The following FAM156A variants were observed in gnomAD, a reference collection of about 807,000 sequenced individuals.
FAM156A encodes protein FAM156A/FAM156B.
intron 1 of FAM156A, among the ~76,000 whole-genome samples, chrX:52,976,573 T>G (rs782022784): frequency 2.8e-4 from 31 of 112,357 alleles, no homozygotes; most frequent in African/African-American, 9.7e-4. Context: ...TCAAATGTGG[T>G]GCATTCCCTT....
intron 1 of FAM156A, among the ~76,000 whole-genome samples, chrX:52,986,438 G>T (rs1207805306): frequency 1.8e-5 from 2 of 109,922 alleles, no homozygotes; most frequent in African/African-American, 6.6e-5. Flanking sequence ...ATATTATCAA[G>T]AAAACATTTG....
At chrX:52,989,434 A>T (rs1930535059) in intron 1 of FAM156A, among the ~76,000 whole-genome samples, 1 of 111,762 alleles carries the variant, frequency 8.9e-6, no homozygotes, top group South Asian at 3.7e-4. Context: ...TGCTTTATTA[A>T]CGCCTCAGCT....
chrX:52,980,445 C>G (rs782745376), intron 1 of FAM156A, among the ~76,000 whole-genome samples: 73 of 111,824 alleles, frequency 6.5e-4, no homozygotes, highest in South Asian at 2.2e-3. Context: ...CTGAACTTCT[C>G]TTTGCAGGTG....
At chrX:52,973,651 T>C (rs1273248627) in intron 1 of FAM156A, among the ~76,000 whole-genome samples, 3 of 111,711 alleles carry the variant, frequency 2.7e-5, no homozygotes, top group Non-Finnish European at 3.8e-5. Context: ...CACGGAACAA[T>C]TGTGGGAAAG....
At chrX:52,973,644 G>A (rs1439129546) in intron 1 of FAM156A, among the ~76,000 whole-genome samples, 4 of 111,866 alleles carry the variant, frequency 3.6e-5, no homozygotes, top group African/African-American at 3.3e-5. Flanking sequence ...TACTGGACAC[G>A]GAACAATTGT....
chrX:52,979,324 C>T (rs1375462606), intron 1 of FAM156A, among the ~76,000 whole-genome samples: 2 of 111,399 alleles, frequency 1.8e-5, no homozygotes, highest in Non-Finnish European at 3.8e-5. Context: ...ATGGGCTCCT[C>T]TCAGGGACCA....
At chrX:52,989,396 C>A (rs997675452) in intron 1 of FAM156A, among the ~76,000 whole-genome samples, 3 of 112,336 alleles carry the variant, frequency 2.7e-5, no homozygotes, top group Non-Finnish European at 5.6e-5. Flanking sequence ...CCAACCCTGA[C>A]CCACTCCTCC....
intron 1 of FAM156A, among the ~76,000 whole-genome samples, chrX:52,988,847 T>C (rs1192094797): frequency 8.9e-6 from 1 of 112,266 alleles, no homozygotes; most frequent in African/African-American, 3.2e-5. Flanking sequence ...TGCAACTTCT[T>C]ATTGGTGTGT....
At chrX:52,976,893 C>G (rs782566825) in intron 1 of FAM156A, among the ~76,000 whole-genome samples, 4 of 109,782 alleles carry the variant, frequency 3.6e-5, no homozygotes, top group Non-Finnish European at 7.6e-5. Context: ...CTAATGTTAT[C>G]ATCCCTTATT....
chrX:52,980,352 G>C (rs1929773506), intron 1 of FAM156A, among the ~76,000 whole-genome samples: 1 of 111,813 alleles, frequency 8.9e-6, no homozygotes, highest in Non-Finnish European at 1.9e-5. Context: ...TTAGTTGATG[G>C]GGAAAATCAA....
At chrX:52,974,235 G>A (rs1442718870) in intron 1 of FAM156A, among the ~76,000 whole-genome samples, 1 of 112,512 alleles carries the variant, frequency 8.9e-6, no homozygotes, top group African/African-American at 3.2e-5. Context: ...GAAGGCTGGG[G>A]AGAAAGGAAA....
chrX:52,983,840 C>T (rs1556793873), intron 1 of FAM156A, among the ~76,000 whole-genome samples: 2 of 112,698 alleles, frequency 1.8e-5, no homozygotes, highest in African/African-American at 6.5e-5. Context: ...TTACCTCTCA[C>T]AAGAGACAAC....
intron 1 of FAM156A, among the ~76,000 whole-genome samples, chrX:52,988,773 T>C (rs1158784740): frequency 8.9e-6 from 1 of 112,473 alleles, no homozygotes; most frequent in Non-Finnish European, 1.9e-5. Context: ...CTCTGTATGG[T>C]CTAGCTCATT....
intron 1 of FAM156A, among the ~76,000 whole-genome samples, chrX:52,991,076 C>T (rs1233455963): frequency 9.0e-6 from 1 of 111,130 alleles, no homozygotes; most frequent in African/African-American, 3.3e-5. Context: ...AGGTGAATAC[C>T]GATAGTATTG....
intron 1 of FAM156A, among the ~76,000 whole-genome samples, chrX:52,993,196 A>G (rs1413379951): frequency 3.6e-5 from 4 of 110,767 alleles, no homozygotes; most frequent in Middle Eastern, 4.7e-3. Flanking sequence ...TTGAGATCCC[A>G]GACCCACCAG....
intron 1 of FAM156A, among the ~76,000 whole-genome samples, chrX:52,983,699 G>A (rs1472240536): frequency 8.9e-6 from 1 of 111,968 alleles, no homozygotes; most frequent in Non-Finnish European, 1.9e-5. Flanking sequence ...TGGAAGAGAG[G>A]ACAAAAACCA....
chrX:52,976,978 G>A (rs1365535130), intron 1 of FAM156A, among the ~76,000 whole-genome samples: 1 of 109,113 alleles, frequency 9.2e-6, no homozygotes, highest in Non-Finnish European at 1.9e-5. Flanking sequence ...TGCAAGGGCA[G>A]GGACAGTAGA....
intron 1 of FAM156A, among the ~76,000 whole-genome samples, chrX:52,973,689 G>A (rs1929215075): frequency 1.8e-5 from 2 of 112,107 alleles, no homozygotes; most frequent in East Asian, 2.8e-4. Context: ...TGGAGACGGA[G>A]TTTCCGTCTG....
intron 1 of FAM156A, among the ~76,000 whole-genome samples, chrX:52,975,402 C>T (rs1929387196): frequency 8.9e-6 from 1 of 111,943 alleles, no homozygotes; most frequent in South Asian, 3.7e-4. Flanking sequence ...CAGCTTCTCA[C>T]CACAGTAACG....
Sources: allele counts gnomAD v4.1 joint callset (sites outside exome capture counted in the v4.1 genomes callset), GRCh38; gene constraint gnomAD v4.1.1; transcripts MANE v1.5; gene names NCBI Gene and HGNC (gene_info 2026-07-23, HGNC 2026-07-21).